LRBA: variants seen among roughly 807,000 people sequenced by gnomAD.
LRBA encodes lipopolysaccharide-responsive and beige-like anchor protein.
LRBA carries 176 observed loss-of-function variants against 330.0 expected under a neutral mutation model. The observed-to-expected ratio is 0.53, with a 90% CI of 0.47 to 0.60. The LOEUF is 0.60. Ranked by LOEUF, LRBA falls within the 20% of genes least tolerant of loss-of-function variation. The pLI is 0.00. For missense variants in LRBA, 3,259 were observed against 3,444.8 expected (o/e 0.95, Z 1.35); for synonymous variants, 1,230 against 1,193.0 (o/e 1.03, Z -0.64).
chr4:150,753,327 T>C (rs1036917640), intron 35 of LRBA, among the ~76,000 whole-genome samples: 9 of 152,214 alleles, frequency 5.9e-5, no homozygotes, highest in Non-Finnish European at 7.3e-5. Context: ...GCCAAGAATA[T>C]GGACCAGCAC....
intron 40 of LRBA, among the ~76,000 whole-genome samples, chr4:150,539,426 A>AT (rs1232088768): frequency 2.6e-5 from 4 of 152,090 alleles, no homozygotes; most frequent in South Asian, 4.1e-4. Flanking sequence ...TTCACTTGCC[A>AT]TTTTTTGTGT....
At chr4:150,915,067 C>T (rs1282844399) in intron 8 of LRBA, among the ~76,000 whole-genome samples, 1 of 151,998 alleles carries the variant, frequency 6.6e-6, no homozygotes, top group Admixed American at 6.6e-5. Flanking sequence ...ATATGTGTAG[C>T]AAAGGATATG....
intron 47 of LRBA, among the ~76,000 whole-genome samples, chr4:150,397,243 G>A (rs996477068): frequency 2.6e-5 from 4 of 152,034 alleles, no homozygotes; most frequent in Non-Finnish European, 5.9e-5. Flanking sequence ...CTCATTAAGT[G>A]CATATTTTCA....
At chr4:150,868,618 G>A (rs1018341817) in intron 20 of LRBA, among the ~76,000 whole-genome samples, 1 of 152,110 alleles carries the variant, frequency 6.6e-6, no homozygotes, top group African/African-American at 2.4e-5. Flanking sequence ...CTCTCTCTGA[G>A]ATATACCAAA....
chr4:150,324,900 T>C (rs1311671358), intron 49 of LRBA, among the ~76,000 whole-genome samples: 1 of 152,220 alleles, frequency 6.6e-6, no homozygotes, highest in African/African-American at 2.4e-5. Context: ...AATTTGTTAC[T>C]CTGCCAATTT....
At chr4:150,282,753 G>A (rs917960190) in intron 54 of LRBA, 107 bp from the exon 55 acceptor site, 1 of 765,404 alleles carries the variant, frequency 1.3e-6, no homozygotes, top group Admixed American at 3.1e-5. Context: ...CACTATAGAT[G>A]TAGAAAGCCT....
At chr4:150,551,991 C>T (rs922519893) in intron 40 of LRBA, among the ~76,000 whole-genome samples, 3 of 152,108 alleles carry the variant, frequency 2.0e-5, no homozygotes, top group Non-Finnish European at 4.4e-5. Context: ...GGATGAAACT[C>T]TTCCGACTCA....
In LRBA at chr4:150,519,561, TGAG is replaced by T. The variant is rs143660365; in HGVS notation, c.6331-28529_6331-28527del. Among the ~76,000 whole-genome samples the T allele has an allele frequency of 5.1e-3, 783 of 152,342 alleles. 3 individuals carry two copies. The highest frequency in any genetic ancestry group is 8.9e-3 in the Non-Finnish European group (602 of 68,016). ...TTGATAATTCATTTCTTTTTATTAC[TGAG>T]TAGTATTGCATTGTATAAATGTAAC... On this transcript the variant is annotated intron_variant, in intron 40 of 56. Coordinates refer to ENST00000651943, the MANE Select transcript of LRBA (RefSeq NM_001364905.1).
intron 30 of LRBA, among the ~76,000 whole-genome samples, chr4:150,824,104 G>C (rs1256490145): frequency 6.6e-6 from 1 of 151,824 alleles, no homozygotes; most frequent in Non-Finnish European, 1.5e-5. Flanking sequence ...TTTAGTTTTT[G>C]CATCAATGTT....
intron 37 of LRBA, among the ~76,000 whole-genome samples, chr4:150,674,061 G>A (rs1007082603): frequency 6.6e-6 from 1 of 152,188 alleles, no homozygotes; most frequent in African/African-American, 2.4e-5. Context: ...GAGCAGCAGT[G>A]AGTAAGAAAC....
At chr4:150,298,809 A>T (rs1729288996) in intron 53 of LRBA, among the ~76,000 whole-genome samples, 1 of 152,042 alleles carries the variant, frequency 6.6e-6, no homozygotes, top group Non-Finnish European at 1.5e-5. Context: ...GAGAATGGAA[A>T]ATGTATTACT....
intron 40 of LRBA, among the ~76,000 whole-genome samples, chr4:150,551,946 C>A (rs1766651664): frequency 6.6e-6 from 1 of 152,056 alleles, no homozygotes. Flanking sequence ...TTTCCACAGA[C>A]CAAAGTGGGG....
intron 48 of LRBA, among the ~76,000 whole-genome samples, chr4:150,344,442 C>G (rs1269551554): frequency 1.3e-5 from 2 of 152,178 alleles, no homozygotes; most frequent in Admixed American, 1.3e-4. Flanking sequence ...TTAGAAAAAT[C>G]CAGTCAGTAC....
At chr4:150,863,745 G>T (rs963588931) in intron 22 of LRBA, among the ~76,000 whole-genome samples, 7 of 151,946 alleles carry the variant, frequency 4.6e-5, no homozygotes, top group Non-Finnish European at 1.0e-4. Context: ...TTACACAAAC[G>T]GATTTGAAAA....
chr4:150,460,000 T>C (rs756584679), intron 44 of LRBA, among the ~76,000 whole-genome samples: 18 of 151,712 alleles, frequency 1.2e-4, no homozygotes, highest in Non-Finnish European at 2.4e-4. Context: ...AATAGAAAAA[T>C]GAAGTAAAAG....
chr4:151,005,351 T>A (rs1236373452), intron 2 of LRBA, among the ~76,000 whole-genome samples: 2 of 125,672 alleles, frequency 1.6e-5, no homozygotes. Context: ...GACAGGAGAA[T>A]CCCTTGAACC....
At chr4:150,297,660 C>G (rs1729137380) in intron 53 of LRBA, among the ~76,000 whole-genome samples, 1 of 152,154 alleles carries the variant, frequency 6.6e-6, no homozygotes, top group Non-Finnish European at 1.5e-5. Flanking sequence ...TCAAGCATTA[C>G]TTTCTTATTC....
At chr4:150,842,143 T>C (rs1251131463) in intron 28 of LRBA, among the ~76,000 whole-genome samples, 1 of 152,234 alleles carries the variant, frequency 6.6e-6, no homozygotes. Context: ...TTCTAATTGT[T>C]TGCAGAATAT....
At chr4:150,385,381 G>GT (rs545765567) in intron 47 of LRBA, among the ~76,000 whole-genome samples, 251 of 152,026 alleles carry the variant, frequency 1.7e-3, no homozygotes, top group African/African-American at 5.7e-3. Context: ...AAATAAACTC[G>GT]TTTTTTAGTT....
Sources: gnomAD v4.1 joint callset for allele counts (sites outside exome capture counted in the v4.1 genomes callset) on GRCh38, gnomAD v4.1.1 for gene constraint, MANE v1.5 for transcripts, NCBI Gene and HGNC (gene_info 2026-07-23, HGNC 2026-07-21) for gene names.